PRR14L: variants seen among roughly 807,000 people sequenced by gnomAD.
The protein encoded by PRR14L is proline rich 14 like.
Under a neutral mutation model 155.0 loss-of-function variants are expected in PRR14L, and 80 were observed. That is an observed-to-expected ratio of 0.52 (90% confidence interval 0.43 to 0.62). PRR14L has a LOEUF of 0.62. Among genes scored for constraint, PRR14L ranks in the 20% least tolerant of loss-of-function variants. The pLI is 0.00. For synonymous variants in PRR14L, 883 were observed against 916.0 expected (o/e 0.96, Z 0.65); for missense variants, 2,469 against 2,548.0 (o/e 0.97, Z 0.67).
At chr22:31,746,807 T>A (rs1336622348) in intron 1 of PRR14L, among the ~76,000 whole-genome samples, 1 of 150,576 alleles carries the variant, frequency 6.6e-6, no homozygotes, top group African/African-American at 2.4e-5. Flanking sequence ...TTTTTTTTTT[T>A]TTTTTTTGAG....
chr22:31,736,409 C>T (rs1372535974), intron 2 of PRR14L, among the ~76,000 whole-genome samples: 1 of 148,502 alleles, frequency 6.7e-6, no homozygotes, highest in Non-Finnish European at 1.5e-5. Flanking sequence ...AAAAAGGCAT[C>T]ACAGTGTAAA....
intron 7 of PRR14L, among the ~76,000 whole-genome samples, chr22:31,697,373 A>T (rs2074540416): frequency 6.6e-6 from 1 of 151,986 alleles, no homozygotes; most frequent in Middle Eastern, 3.2e-3. Context: ...ATCTCATGGA[A>T]AGGAGTTGTC....
intron 3 of PRR14L, 143 bp from the exon 4 acceptor site, chr22:31,717,434 C>T: frequency 1.5e-6 from 1 of 657,912 alleles, no homozygotes; most frequent in South Asian, 2.1e-5. Context: ...CATGCTATAC[C>T]ATTGATTTTG....
rs1335147991 is a variant in PRR14L, at chr22:31,685,406, GT to G, written c.*120del. ...TTCATGGACTGTGCATTTTTGAGTGGTTTGGCGGTAGGGCAAAATTAGGCAA... is the reference window on the plus strand; with the variant it reads ...TTCATGGACTGTGCATTTTTGAGTGGTTGGCGGTAGGGCAAAATTAGGCAA... On this transcript the variant is annotated 3_prime_UTR_variant, in exon 9 of 9. Transcript: ENST00000327423. 8.6e-6 allele frequency: 7 copies of G among 816,964 alleles called. No individual in the cohort carries two copies. The highest frequency in any genetic ancestry group is 1.3e-5 in the Non-Finnish European group (7 of 534,486). 50.6% of individuals were successfully genotyped at this position (816,964 alleles called of 1,614,324 possible).
chr22:31,721,737 T>C (rs1435117366), intron 3 of PRR14L, among the ~76,000 whole-genome samples: 1 of 152,290 alleles, frequency 6.6e-6, no homozygotes, highest in African/African-American at 2.4e-5. Flanking sequence ...TTTAAGGTGA[T>C]GGAAATCCCA....
chr22:31,715,893 T>G lies in PRR14L; in HGVS notation c.1946A>C (p.Glu649Ala), dbSNP rs1291733400. ...GGACACTTGTTGATTTAAAACACAT[T>G]CACTTTCTACTTTGTTTACAACCAG... Reference protein sequence around the residue: ...NELVVNKVESECVLNQQVSLN... With the variant: ...NELVVNKVESACVLNQQVSLN... Residue 649 changes from glutamate to alanine, a missense_variant, in exon 4 of 9, where the codon GAA (glutamate) becomes GCA (alanine). This residue lies in a region of PRR14L where 2,363 missense variants were observed against 2,371.6 expected (regional missense o/e 1.00). Coordinates refer to ENST00000327423, the MANE Select transcript of PRR14L (RefSeq NM_173566.3). The G allele has an allele frequency of 6.4e-7, 1 of 1,551,420 alleles. No homozygotes were observed. Among genetic ancestry groups the G allele is most frequent in the East Asian group, 2.4e-5 (1 of 40,936 alleles).
chr22:31,724,543 G>C (rs1159144993), intron 3 of PRR14L, among the ~76,000 whole-genome samples: 1 of 152,094 alleles, frequency 6.6e-6, no homozygotes, highest in Non-Finnish European at 1.5e-5. Flanking sequence ...TGGGACCACA[G>C]GTGTGTGTGC....
chr22:31,706,613 G>A (rs1483815740), intron 4 of PRR14L, among the ~76,000 whole-genome samples: 7 of 151,914 alleles, frequency 4.6e-5, no homozygotes, highest in African/African-American at 1.7e-4. Context: ...TAGTAGACAC[G>A]GGGTTTCACC....
chr22:31,703,689 T>G lies in PRR14L; in HGVS notation c.5861A>C (p.Lys1954Thr). ...AGCTGATTCTGCTACCAAGCAAGAC[T>G]TTGGTACCAAGGCAGGGAATGGAGG... ...LEPPFPALVPKSCLVAESAVS... is the reference protein window; with the variant it reads ...LEPPFPALVPTSCLVAESAVS... Residue 1954 changes from lysine to threonine, a missense_variant, in exon 6 of 9, where the codon AAG becomes ACG. This residue lies in a region of PRR14L where 2,363 missense variants were observed against 2,371.6 expected (regional missense o/e 1.00). Transcript: ENST00000327423. The G allele has an allele frequency of 4.4e-6, 7 of 1,604,494 alleles. No homozygotes were observed. In the South Asian group the frequency reaches 7.8e-5, roughly 18 times the overall value.
At chr22:31,704,593 A>ACT (rs1370714533) in intron 5 of PRR14L, 62 bp downstream of exon 5, 10 of 1,379,668 alleles carry the variant, frequency 7.2e-6, no homozygotes, top group South Asian at 1.2e-5. Context: ...CTATGTATGC[A>ACT]CTCTCTCTCT....
In PRR14L at chr22:31,722,667, C is replaced by T. The variant is rs1425569907; in HGVS notation, c.547+2871G>A. On this transcript the variant is annotated intron_variant, in intron 3 of 8. Coordinates refer to ENST00000327423, the MANE Select transcript of PRR14L (RefSeq NM_173566.3). ...CCTCCCAAGTAGCTGGGACTACAGACGCCCGCCACCATGCCTGGCTAATTT... is the reference window on the plus strand; with the variant it reads ...CCTCCCAAGTAGCTGGGACTACAGATGCCCGCCACCATGCCTGGCTAATTT... Among the ~76,000 whole-genome samples the T allele has an allele frequency of 4.6e-5, 7 of 151,704 alleles. 1 individual carries two copies. The highest frequency in any genetic ancestry group is 4.2e-4 in the South Asian group (2 of 4,814).
chr22:31,733,554 C>T (rs1047140073), intron 2 of PRR14L, among the ~76,000 whole-genome samples: 1 of 152,114 alleles, frequency 6.6e-6, no homozygotes, highest in Admixed American at 6.6e-5. Flanking sequence ...ATCCACCCGC[C>T]TCGGCCCCCC....
In PRR14L at chr22:31,717,294, G is replaced by C. The variant is rs1465033372; in HGVS notation, c.548-3C>G. 1 of 1,524,406 alleles carries C rather than the reference G, an allele frequency of 6.6e-7. No homozygotes were observed. Among genetic ancestry groups the C allele is most frequent in the Non-Finnish European group, 8.8e-7 (1 of 1,134,432 alleles). 94.4% of individuals were successfully genotyped at this position (1,524,406 alleles called of 1,614,324 possible). A position where few individuals can be genotyped will look rare whatever the true frequency, so the allele number is the denominator to read the frequency against. On this transcript the variant is annotated splice_polypyrimidine_tract_variant and splice_region_variant and intron_variant, in intron 3 of 8. Transcript: ENST00000327423. ...AGCTGTAATCTGTACATTTCCTTCT[G>C]AATAAGAGAAATAAATCCAAATTAA... is the stretch of plus-strand genomic sequence containing the variant.
intron 7 of PRR14L, among the ~76,000 whole-genome samples, chr22:31,688,657 T>C (rs2074494779): frequency 6.6e-6 from 1 of 152,148 alleles, no homozygotes; most frequent in Non-Finnish European, 1.5e-5. Context: ...TTTAGATTTA[T>C]ATATATTATT....
chr22:31,720,488 T>C (rs945538328), intron 3 of PRR14L, among the ~76,000 whole-genome samples: 4 of 152,280 alleles, frequency 2.6e-5, no homozygotes, highest in African/African-American at 7.2e-5. Flanking sequence ...ATCCCAGCAC[T>C]TTGGGAGGCA....
rs201482495 is a variant in PRR14L at position 31,716,624 on chromosome 22, A to G, written c.1215T>C (p.Pro405=). The change falls in exon 4 of 9, where the codon CCT becomes CCC. Residue 405 remains proline (P), a synonymous_variant. Coordinates refer to ENST00000327423, the MANE Select transcript of PRR14L (RefSeq NM_173566.3). ...GAAAAGGTCCACCTCTTTCACTCCT[A>G]GGAATCAAAAGCCGTTCCTCATTTT... ...REENEERLLI[P]RSERGGPFLF... 43 of 1,551,790 alleles carry G rather than the reference A, an allele frequency of 2.8e-5. No homozygotes were observed. The highest frequency in any genetic ancestry group is 3.7e-5 in the Non-Finnish European group (42 of 1,147,026).
At position 31,703,740 on chromosome 22, in the gene PRR14L, A is replaced by G. The variant is rs2074575131; in HGVS notation, c.5829-19T>C. On this transcript the variant is annotated intron_variant, in intron 5 of 8. Coordinates refer to ENST00000327423, the MANE Select transcript of PRR14L (RefSeq NM_173566.3). ...CTCCAGCCTAGCACCATGAAGAGAA[A>G]GAAGATATGAGAGGGGTTCCCTTTC... is the stretch of plus-strand genomic sequence containing the variant. 17 of 1,460,726 alleles carry G rather than the reference A, an allele frequency of 1.2e-5. No individual in the cohort carries two copies. The highest frequency in any genetic ancestry group is 1.5e-5 in the Non-Finnish European group (16 of 1,094,022). The allele number at this position is 1,460,726 out of a possible 1,614,324, so 90.5% of individuals were successfully genotyped here. A position where few individuals can be genotyped will look rare whatever the true frequency, so the allele number is the denominator to read the frequency against.
rs1325131706 is a variant in PRR14L, at chr22:31,712,336, A to C, written c.5503T>G (p.Trp1835Gly). ...CTGGAGAAGCTCCGTTTTTTTGTCC[A>C]GATTCGGTAACATCCTGGGGAACAA... is the stretch of plus-strand genomic sequence containing the variant. ...ALCSPGCYRI[W>G]TKKRSFSSHM... The change falls in exon 4 of 9, where the codon TGG (tryptophan) becomes GGG (glycine). Residue 1835 changes from tryptophan (W) to glycine (G), a missense_variant. Physicochemically the swap from Trp to Gly is radical, Grantham distance 184. This residue lies in a region of PRR14L where 2,363 missense variants were observed against 2,371.6 expected (regional missense o/e 1.00). Transcript: ENST00000327423. 1 of 1,614,096 alleles carries C rather than the reference A, an allele frequency of 6.2e-7. No individual in the cohort carries two copies. The highest frequency in any genetic ancestry group is 8.5e-7 in the Non-Finnish European group (1 of 1,179,980).
chr22:31,714,257 T>G lies in PRR14L; in HGVS notation c.3582A>C (p.Gln1194His). Residue 1194 changes from glutamine to histidine, a missense_variant, in exon 4 of 9, where the codon CAA becomes CAC. Transcript: ENST00000327423. ...QDKGTSLRET[Q>H]EMTEGSRLEP... The stretch of plus-strand genomic sequence containing the variant: ...CTAGTCTTGATCCTTCAGTCATTTC[T>G]TGTGTTTCTCTGAGAGATGTTCCTT... The G allele has an allele frequency of 6.4e-7, 1 of 1,551,498 alleles. No individual in the cohort carries two copies. The highest frequency in any genetic ancestry group is 1.2e-5 in the South Asian group (1 of 83,896).
Sources: gnomAD v4.1 joint callset for allele counts (sites outside exome capture counted in the v4.1 genomes callset) on GRCh38, gnomAD v4.1.1 for gene constraint, gnomAD v4.1.1 regional missense constraint, MANE v1.5 for transcripts, NCBI Gene and HGNC (gene_info 2026-07-23, HGNC 2026-07-21) for gene names.